CA11: variants seen among roughly 807,000 people sequenced by gnomAD.
CA11 encodes carbonic anhydrase-related protein 11.
Under a neutral mutation model 39.3 loss-of-function variants are expected in CA11, and 20 were observed. That is an observed-to-expected ratio of 0.51 (90% confidence interval 0.36 to 0.74). The LOEUF (loss-of-function observed/expected upper bound fraction) is 0.74. Among genes scored for constraint, CA11 ranks in the 30% least tolerant of loss-of-function variants. CA11 has a pLI of 0.00. For synonymous variants in CA11, 166 were observed against 172.5 expected, an observed-to-expected ratio of 0.96 and a Z score of 0.29; for missense variants, 336 against 424.6, an observed-to-expected ratio of 0.79 and a Z score of 1.83.
rs1487605357 is a variant in CA11 at position 48,645,839 on chromosome 19, T to A, written c.-207A>T. The A allele has an allele frequency of 1.9e-6, 1 of 538,776 alleles. No homozygotes were observed. Among genetic ancestry groups the A allele is most frequent in the Non-Finnish European group, 3.2e-6 (1 of 308,136 alleles). The allele number at this position is 538,776 out of a possible 1,614,324, so 33.4% of individuals were successfully genotyped here. On this transcript the variant is annotated 5_prime_UTR_variant, in exon 1 of 9. Coordinates refer to ENST00000084798, the MANE Select transcript of CA11 (RefSeq NM_001217.5). ...TCTTCTTCTCTCTCCCGTCTCTCTG[T>A]GTCTTTCCTCTTTCCTCTGCTCTTT...
intron 5 of CA11, 26 bp from the exon 6 acceptor site, chr19:48,639,647 ACAGGAGCC>A (rs2031001860): frequency 6.2e-7 from 1 of 1,612,412 alleles, no homozygotes; most frequent in South Asian, 1.1e-5. Flanking sequence ...AGGTGAGGAC[ACAGGAGCC>A]CAGAAGTCCA....
rs11372081 is a variant in CA11, at chr19:48,640,367, CTTTTTTTTT to C, written c.286-96_286-88del. On this transcript the variant is annotated intron_variant, in intron 3 of 8. Coordinates refer to ENST00000084798, the MANE Select transcript of CA11 (RefSeq NM_001217.5). ...GCCTACATTTTCTGATTCCAACAGT[CTTTTTTTTT>C]TTTTTTTTTTTTTTTGAAACGGAGT... The C allele has an allele frequency of 2.1e-4, 69 of 324,774 alleles. 2 individuals carry two copies. Among genetic ancestry groups the C allele is most frequent in the African/African-American group, 7.6e-4 (21 of 27,680 alleles). 20.1% of individuals were successfully genotyped at this position (324,774 alleles called of 1,614,324 possible).
chr19:48,642,539 A>G (rs1299789516), intron 3 of CA11, among the ~76,000 whole-genome samples: 1 of 152,226 alleles, frequency 6.6e-6, no homozygotes, highest in East Asian at 1.9e-4. Context: ...CTGCATATAT[A>G]TAACACATTT....
intron 2 of CA11, 93 bp downstream of exon 2, chr19:48,645,310 G>A (rs551950382): frequency 8.4e-4 from 925 of 1,101,124 alleles, no homozygotes; most frequent in Non-Finnish European, 1.2e-3. Flanking sequence ...TCCTGGTCCT[G>A]GGGGGGAGGA....
chr19:48,641,152 G>C (rs1017251576), intron 3 of CA11, among the ~76,000 whole-genome samples: 6 of 151,514 alleles, frequency 4.0e-5, no homozygotes, highest in African/African-American at 1.2e-4. Flanking sequence ...GCCAATTTTT[G>C]TATTTTTAGT....
chr19:48,638,265 C>A (rs1237807258), intron 8 of CA11, 121 bp from the exon 9 acceptor site: 36 of 1,185,460 alleles, frequency 3.0e-5, no homozygotes, highest in African/African-American at 4.8e-5. Flanking sequence ...AGCGGGGAAC[C>A]AGAATGTACT....
intron 2 of CA11, 69 bp downstream of exon 2, chr19:48,645,334 C>A: frequency 7.1e-7 from 1 of 1,401,316 alleles, no homozygotes; most frequent in African/African-American, 1.4e-5. Context: ...AGCTGGGAAC[C>A]CAGGTTCCTG....
At chr19:48,639,182 T>C in intron 7 of CA11, 123 bp downstream of exon 7, 1 of 1,517,534 alleles carries the variant, frequency 6.6e-7, no homozygotes, top group South Asian at 1.2e-5. Flanking sequence ...CCCAAGGTGG[T>C]CTGACCCTCT....
chr19:48,644,617 T>C, intron 2 of CA11, 48 bp from the exon 3 acceptor site: 2 of 1,452,828 alleles, frequency 1.4e-6, no homozygotes, highest in Non-Finnish European at 9.2e-7. Flanking sequence ...AAATAGAGAC[T>C]GGATCCCAGG....
rs1169751929 is a variant in CA11, at chr19:48,643,630, CAA to C, written c.285+795_285+796del. 4.5e-4 allele frequency among the ~76,000 whole-genome samples: 49 copies of C among 109,300 alleles called. No individual in the cohort carries two copies. The highest frequency in any genetic ancestry group is 7.3e-4 in the Admixed American group (8 of 11,018). The allele number at this position is 109,300 out of a possible 152,430, so 71.7% of individuals were successfully genotyped here. On this transcript the variant is annotated intron_variant, in intron 3 of 8. Transcript: ENST00000084798. This position sits in a 1 kb window ranked among gnomAD's most constrained non-coding sequence, Gnocchi z 4.3. ...GGGTCACAGAGTGAGATCCCAATTC[CAA>C]AAAAAAAAAAAAAAAGTATGGTTCC... is the stretch of plus-strand genomic sequence containing the variant.
At chr19:48,642,629 G>A (rs1601190608) in intron 3 of CA11, among the ~76,000 whole-genome samples, 1 of 152,126 alleles carries the variant, frequency 6.6e-6, no homozygotes, top group Non-Finnish European at 1.5e-5. Context: ...TTTTGAGCAG[G>A]AGTGATATGA....
chr19:48,639,996 C>G lies in CA11; in HGVS notation c.471+99G>C. On this transcript the variant is annotated intron_variant, in intron 4 of 8. Transcript: ENST00000084798. ...TAGTGCTTAGGGTGGGAGGCCAGTT[C>G]TGTGGAGGAGGATGGGGTGAGACAC... The G allele has an allele frequency of 4.0e-6, 6 of 1,509,596 alleles. No individual in the cohort carries two copies. In the South Asian group the frequency reaches 5.9e-5, roughly 15 times the overall value. The allele number at this position is 1,509,596 out of a possible 1,614,324, so 93.5% of individuals were successfully genotyped here.
At position 48,639,390 on chromosome 19, in the gene CA11, T is replaced by C. The variant is rs369114898; in HGVS notation, c.710A>G (p.Tyr237Cys). ...GGGCGGGGTGCTGAGAGAGCCCTGA[T>C]AGGTGATGAAGCCGAAGGATTCAGG... is the stretch of plus-strand genomic sequence containing the variant. Reference protein sequence around the residue: ...LFPESFGFITYQGSLSTPPCS... With the variant: ...LFPESFGFITCQGSLSTPPCS... Residue 237 changes from tyrosine to cysteine, a missense_variant, in exon 7 of 9, where the codon TAT (tyrosine) becomes TGT (cysteine). Transcript: ENST00000084798. 11 of 1,613,424 alleles carry C rather than the reference T, an allele frequency of 6.8e-6. No individual in the cohort carries two copies. The African/African-American group carries it at 8.0e-5, about 12-fold the overall frequency.
chr19:48,640,709 C>A (rs1368156876), intron 3 of CA11, among the ~76,000 whole-genome samples: 1 of 138,694 alleles, frequency 7.2e-6, no homozygotes. Context: ...GAGTCTCGCT[C>A]TGTCGCCCGG....
intron 8 of CA11, 46 bp from the exon 9 acceptor site, chr19:48,638,190 A>C (rs750091851): frequency 1.6e-5 from 13 of 789,586 alleles, no homozygotes; most frequent in Admixed American, 8.7e-5. Context: ...ATAGGATGGA[A>C]GGGGCGGGGG....
chr19:48,638,758 A>T, intron 8 of CA11, 130 bp downstream of exon 8: 1 of 1,013,032 alleles, frequency 9.9e-7, no homozygotes. Context: ...AGAGAAAAAG[A>T]GACAGCTCAC....
In CA11 at chr19:48,642,781, G is replaced by A. The variant is rs528705502; in HGVS notation, c.285+1646C>T. ...CATGAGACTGGGGGCAGTAGAGGGC[G>A]TGATAGGTGAAAGGATTTGAATAAT... On this transcript the variant is annotated intron_variant, in intron 3 of 8. Transcript: ENST00000084798. Among the ~76,000 whole-genome samples the A allele has an allele frequency of 2.0e-4, 31 of 152,210 alleles. No homozygotes were observed. The South Asian group carries it at 5.8e-3, about 29-fold the overall frequency.
rs2031243688 is a variant in CA11, at chr19:48,646,150, CCTGCCTCTT to C, written c.-527_-519del. 1.3e-5 allele frequency: 3 copies of C among 232,384 alleles called. No individual in the cohort carries two copies. Among genetic ancestry groups the C allele is most frequent in the African/African-American group, 6.8e-5 (3 of 44,372 alleles). 14.4% of individuals were successfully genotyped at this position (232,384 alleles called of 1,614,324 possible). A position where few individuals can be genotyped will look rare whatever the true frequency, so the allele number is the denominator to read the frequency against. On this transcript the variant is annotated 5_prime_UTR_variant, in exon 1 of 9. Coordinates refer to ENST00000084798, the MANE Select transcript of CA11 (RefSeq NM_001217.5). Reference sequence around the variant, plus strand: ...TCGTGCTCTCCCCACCTCCTCCTCTCCTGCCTCTTCTCCCTGTTTCAGTCTCTCTTCTCT... The same window carrying C: ...TCGTGCTCTCCCCACCTCCTCCTCTCCTCCCTGTTTCAGTCTCTCTTCTCT...
rs1012891640 is a variant in CA11 at position 48,640,297 on chromosome 19, A to G, written c.286-17T>C. The G allele has an allele frequency of 6.4e-7, 1 of 1,559,856 alleles. No individual in the cohort carries two copies. The highest frequency in any genetic ancestry group is 1.1e-5 in the South Asian group (1 of 90,080). On this transcript the variant is annotated splice_polypyrimidine_tract_variant and intron_variant, in intron 3 of 8. Transcript: ENST00000084798. ...TCCCCGGAGCTGTGGGAGAGGCGGG[A>G]GCTGTCAGGGGGCAGGGAGAGATCT...
Sources: allele counts gnomAD v4.1 joint callset (sites outside exome capture counted in the v4.1 genomes callset), GRCh38; gene constraint gnomAD v4.1.1; non-coding constraint Gnocchi (gnomAD v3.1); transcripts MANE v1.5; gene names NCBI Gene and HGNC (gene_info 2026-07-23, HGNC 2026-07-21).